STAB1: variants seen among roughly 807,000 people sequenced by gnomAD.
The protein encoded by STAB1 is stabilin-1.
In STAB1, 250 loss-of-function variants were observed where a neutral mutation model predicts 332.4. That is an observed-to-expected ratio of 0.75 (90% CI 0.68 to 0.84). The LOEUF is 0.84. STAB1 is among the 40% of genes least tolerant of loss of function. The pLI is 0.00. For missense variants in STAB1, 3,249 were observed against 3,489.7 expected (o/e 0.93, Z 1.74); for synonymous variants, 1,475 against 1,390.4 (o/e 1.06, Z -1.35).
chr3:52,501,748 G>C lies in STAB1; in HGVS notation c.326G>C (p.Cys109Ser), dbSNP rs372267037. The C allele has an allele frequency of 1.9e-6, 3 of 1,559,388 alleles. No individual in the cohort carries two copies. The African/African-American group carries it at 4.1e-5, about 21-fold the overall frequency. Residue 109 changes from cysteine (C) to serine (S), a missense_variant, in exon 3 of 69, where the codon TGC (cysteine) becomes TCC (serine). Transcript: ENST00000321725. ...TGCCCTGGCTACTGGGGTTCCCGGT[G>C]CCATGGTATGGGAGAAAGGGGGACC... is the stretch of plus-strand genomic sequence containing the variant. ...ACCPGYWGSR[C>S]HECPGGAETP...
At position 52,512,914 on chromosome 3, in the gene STAB1, C is replaced by G. The variant is rs1479567729; in HGVS notation, c.3114C>G (p.Asp1038Glu). ...EAAVRQLSPEDRAFWLQPRTL... is the reference protein window; with the variant it reads ...EAAVRQLSPEERAFWLQPRTL... ...CAGTCCGTCAGCTGAGCCCCGAGGA[C>G]CGAGCTTTCTGGCTGCAGCCAAGGA... is the stretch of plus-strand genomic sequence containing the variant. The change falls in exon 29 of 69, where the codon GAC (aspartate) becomes GAG (glutamate). Residue 1038 changes from aspartate to glutamate, a missense_variant. Coordinates refer to ENST00000321725, the MANE Select transcript of STAB1 (RefSeq NM_015136.3). The G allele has an allele frequency of 6.2e-7, 1 of 1,612,092 alleles. No individual in the cohort carries two copies. The highest frequency in any genetic ancestry group is 8.5e-7 in the Non-Finnish European group (1 of 1,179,816).
At chr3:52,504,327 C>A in intron 10 of STAB1, 134 bp from the exon 11 acceptor site, 1 of 1,335,242 alleles carries the variant, frequency 7.5e-7, no homozygotes, top group Non-Finnish European at 1.0e-6. Flanking sequence ...AACCTCAAGG[C>A]CCCCATCTAC....
intron 7 of STAB1, 72 bp from the exon 8 acceptor site, chr3:52,503,272 C>T (rs1708586448): frequency 1.4e-5 from 22 of 1,538,490 alleles, no homozygotes; most frequent in South Asian, 1.2e-4. Context: ...CCCGGCCTTC[C>T]TGGTGAAAGC....
At chr3:52,503,569 C>A (rs753851815) in intron 8 of STAB1, 29 bp downstream of exon 8, 5 of 1,605,532 alleles carry the variant, frequency 3.1e-6, no homozygotes, top group Non-Finnish European at 4.3e-6. Context: ...CCGGAACTGT[C>A]CCCACAGTGC....
intron 43 of STAB1, 70 bp downstream of exon 43, chr3:52,517,463 AG>A (rs1369729212): frequency 1.5e-5 from 24 of 1,567,404 alleles, no homozygotes; most frequent in Non-Finnish European, 1.9e-5. Context: ...CCTTCAGGGC[AG>A]GCCCGGGGAG....
chr3:52,523,153 TGGG>T lies in STAB1; in HGVS notation c.7020+22_7020+24del, dbSNP rs749549996. Reference sequence around the variant, plus strand: ...CTATGGGGTGTGTGGGGGCCACCCTTGGGGGCGGGGGGTGCTGGGATCCCCGAG... The same window carrying T: ...CTATGGGGTGTGTGGGGGCCACCCTTGGCGGGGGGTGCTGGGATCCCCGAG... On this transcript the variant is annotated intron_variant, in intron 63 of 68. Transcript: ENST00000321725. 2.2e-5 allele frequency: 35 copies of T among 1,608,308 alleles called. No homozygotes were observed. In the Admixed American group the frequency reaches 5.5e-4, roughly 25 times the overall value.
rs376069626 is a variant in STAB1, at chr3:52,523,036, C to G, written c.6922C>G (p.Arg2308Gly). The part of the protein sequence containing the change: ...YCFRVQDVAC[R>G]CRNGFVGDGI... ...TGCTTTTCCTGCAGATGTGGCCTGC[C>G]GATGCCGAAATGGCTTCGTGGGTGA... The change falls in exon 63 of 69, where the codon CGA becomes GGA. Residue 2308 changes from arginine (R) to glycine (G), a missense_variant. Coordinates refer to ENST00000321725, the MANE Select transcript of STAB1 (RefSeq NM_015136.3). 1.8e-5 allele frequency: 29 copies of G among 1,573,656 alleles called. No individual in the cohort carries two copies. Among genetic ancestry groups the G allele is most frequent in the African/African-American group, 8.1e-5 (6 of 74,412 alleles).
rs770223308 is a variant in STAB1 at position 52,513,898 on chromosome 3, C to A, written c.3364C>A (p.Arg1122=). 9 of 1,604,572 alleles carry A rather than the reference C, an allele frequency of 5.6e-6. No individual in the cohort carries two copies. Among genetic ancestry groups the A allele is most frequent in the Non-Finnish European group, 6.8e-6 (8 of 1,173,264 alleles). Residue 1122 remains arginine (R), a synonymous_variant, in exon 32 of 69, where the codon CGA becomes AGA. Transcript: ENST00000321725. ...HILSQVLLPP[R]GDVPGGQGLL... Reference sequence around the variant, plus strand: ...TCTGTACCAGGTCTTACTGCCCCCCCGAGGGGATGTGCCCGGTGGGCAGGG... The same window carrying A: ...TCTGTACCAGGTCTTACTGCCCCCCAGAGGGGATGTGCCCGGTGGGCAGGG...
Position 52,519,965 on chromosome 3 carries a change from C to A in STAB1, c.5257C>A (p.Leu1753Ile). 1.3e-6 allele frequency: 2 copies of A among 1,590,638 alleles called. No homozygotes were observed. The highest frequency in any genetic ancestry group is 1.1e-5 in the South Asian group (1 of 89,800). Residue 1753 changes from leucine (L) to isoleucine (I), a missense_variant, in exon 51 of 69, where the codon CTT (leucine) becomes ATT (isoleucine). Transcript: ENST00000321725. Reference protein sequence around the residue: ...LLKVAGLLPLLREASHRPFTM... With the variant: ...LLKVAGLLPLIREASHRPFTM... Reference sequence around the variant, plus strand: ...CCAGGTGGCCGGCCTCCTGCCCCTGCTTCGAGAGGCATCCCATAGGCCCTT... The same window carrying A: ...CCAGGTGGCCGGCCTCCTGCCCCTGATTCGAGAGGCATCCCATAGGCCCTT...
Position 52,520,809 on chromosome 3 carries a change from C to T in STAB1, c.5712C>T (p.Ser1904=). 6.2e-7 allele frequency: 1 copy of T among 1,612,810 alleles called. No homozygotes were observed. The highest frequency in any genetic ancestry group is 8.5e-7 in the Non-Finnish European group (1 of 1,180,022). The change falls in exon 55 of 69, where the codon AGC becomes AGT. Residue 1904 remains serine, a synonymous_variant. Transcript: ENST00000321725. ...PCPEGSQEQG[S]PEACWRFYPK... ...GCCTGACTCCTTTGGCCCAGGGCAG[C>T]CCTGAGGCCTGCTGGCGCTTCTACC...
In STAB1 at chr3:52,514,845, C is replaced by T; in HGVS notation, c.3807+16C>T. ...GGCCCTGCGGGTGAGAGGCTGGGGC[C>T]ACAGGAAGGCCGGCACGGGAGTTCA... On this transcript the variant is annotated intron_variant, in intron 35 of 68. Transcript: ENST00000321725. The T allele has an allele frequency of 6.8e-6, 11 of 1,612,840 alleles. No individual in the cohort carries two copies. The highest frequency in any genetic ancestry group is 9.3e-6 in the Non-Finnish European group (11 of 1,179,970).
Position 52,505,868 on chromosome 3 carries a change from T to A in STAB1, c.1696-15T>A, listed in dbSNP as rs199988656. ...CAGTTCCTCCAGGAGCCAAACCCTC[T>A]CTCTCCCCTGCCAGGGTCTCTCTAA... On this transcript the variant is annotated splice_polypyrimidine_tract_variant and intron_variant, in intron 15 of 68. Transcript: ENST00000321725. 2 of 1,613,924 alleles carry A rather than the reference T, an allele frequency of 1.2e-6. No homozygotes were observed. Among genetic ancestry groups the A allele is most frequent in the East Asian group, 4.5e-5 (2 of 44,884 alleles).
rs369600823 is a variant in STAB1, at chr3:52,522,411, C to T, written c.6547C>T (p.Arg2183Cys). The T allele has an allele frequency of 7.4e-6, 12 of 1,612,838 alleles. No homozygotes were observed. Among genetic ancestry groups the T allele is most frequent in the Admixed American group, 1.7e-5 (1 of 60,008 alleles). ...GGAGGAGTCGGAACCACCTGTGGAC[C>T]GCTGCTTGGGCCAGCCACCGCCCTG... ...CLEESEPPVDRCLGQPPPCHS... is the reference protein window; with the variant it reads ...CLEESEPPVDCCLGQPPPCHS... Residue 2183 changes from arginine (R) to cysteine (C), a missense_variant, in exon 60 of 69, where the codon CGC (arginine) becomes TGC (cysteine). Coordinates refer to ENST00000321725, the MANE Select transcript of STAB1 (RefSeq NM_015136.3).
chr3:52,511,572 A>C, intron 25 of STAB1, 78 bp from the exon 26 acceptor site: 2 of 1,370,260 alleles, frequency 1.5e-6, no homozygotes, highest in African/African-American at 1.4e-5. Context: ...GGCAGTGACC[A>C]GAGAGAGCCA....
chr3:52,515,467 C>G lies in STAB1; in HGVS notation c.3909C>G (p.Phe1303Leu), dbSNP rs1355697292. The G allele has an allele frequency of 1.9e-6, 3 of 1,613,562 alleles. No individual in the cohort carries two copies. Among genetic ancestry groups the G allele is most frequent in the Non-Finnish European group, 2.5e-6 (3 of 1,180,020 alleles). ...GTGTCTACCGATCTGGCTTCTCCTT[C>G]TCCCGGGGCTGCTCTTACACATGTG... ...KSCVYRSGFSFSRGCSYTCAK... is the reference protein window; with the variant it reads ...KSCVYRSGFSLSRGCSYTCAK... Residue 1303 changes from phenylalanine to leucine, a missense_variant, in exon 37 of 69, where the codon TTC (phenylalanine) becomes TTG (leucine). By Grantham distance (22) the Phe-to-Leu change is conservative (BLOSUM62 0). Transcript: ENST00000321725.
Position 52,501,623 on chromosome 3 carries a change from A to T in STAB1, c.216-15A>T. ...GGGAGCCTTTTCCATCACCCTGCCC[A>T]CCCTCTGCCCCCAGCTACGAAGTAC... On this transcript the variant is annotated splice_polypyrimidine_tract_variant and intron_variant, in intron 2 of 68. Coordinates refer to ENST00000321725, the MANE Select transcript of STAB1 (RefSeq NM_015136.3). 6.5e-7 allele frequency: 1 copy of T among 1,547,410 alleles called. No homozygotes were observed. Among genetic ancestry groups the T allele is most frequent in the Non-Finnish European group, 8.7e-7 (1 of 1,144,078 alleles).
Position 52,523,319 on chromosome 3 carries a change from A to G in STAB1, c.7118A>G (p.Asn2373Ser), listed in dbSNP as rs746347819. 42 of 1,611,358 alleles carry G rather than the reference A, an allele frequency of 2.6e-5. No individual in the cohort carries two copies. The highest frequency in any genetic ancestry group is 5.5e-5 in the South Asian group (5 of 91,088). ...LTYKTLFVPV[N>S]EGFVDNMTLS... The stretch of plus-strand genomic sequence containing the variant: ...TATAAGACACTCTTCGTCCCTGTCA[A>G]TGAAGGCTTTGTGGACAACATGGTA... Residue 2373 changes from asparagine (N) to serine (S), a missense_variant, in exon 64 of 69, where the codon AAT (asparagine) becomes AGT (serine). Asn to Ser is a conservative substitution (Grantham distance 46). Transcript: ENST00000321725.
rs367790233 is a variant in STAB1 at position 52,514,747 on chromosome 3, C to G, written c.3725C>G (p.Pro1242Arg). ...VPLEGPMLEA[P>R]GRSLIGLSGV... ...CTGGAAGGCCCCATGCTGGAGGCCC[C>G]TGGCCGCTCGCTGATTGGTCTGTCG... Residue 1242 changes from proline to arginine, a missense_variant, in exon 35 of 69, where the codon CCT (proline) becomes CGT (arginine). Physicochemically the swap from Pro to Arg is moderately radical, Grantham distance 103 (BLOSUM62 -2). Coordinates refer to ENST00000321725, the MANE Select transcript of STAB1 (RefSeq NM_015136.3). 1.2e-6 allele frequency: 2 copies of G among 1,613,104 alleles called. No homozygotes were observed. Among genetic ancestry groups the G allele is most frequent in the African/African-American group, 1.3e-5 (1 of 75,066 alleles).
At chr3:52,513,057 G>T in intron 29 of STAB1, 73 bp from the exon 30 acceptor site, 3 of 1,555,828 alleles carry the variant, frequency 1.9e-6, no homozygotes, top group Non-Finnish European at 2.6e-6. Context: ...CCCTTGGGGT[G>T]GGCCCAGCCC....
Sources: allele counts gnomAD v4.1 joint callset, GRCh38; gene constraint gnomAD v4.1.1; transcripts MANE v1.5; gene names NCBI Gene and HGNC (gene_info 2026-07-23, HGNC 2026-07-21).